CROT: variants seen among roughly 807,000 people sequenced by gnomAD.
CROT encodes peroxisomal carnitine O-octanoyltransferase.
In CROT, 84 loss-of-function variants were observed where a neutral mutation model predicts 89.2. That is an observed-to-expected ratio of 0.94 (90% CI 0.79 to 1.13). The LOEUF (loss-of-function observed/expected upper bound fraction) is 1.13, where lower values mean the gene tolerates loss of function less well. Ranked by LOEUF, CROT falls within the 50% of genes most tolerant of loss-of-function variation. CROT has a pLI of 0.00. For synonymous variants in CROT, 212 were observed against 239.5 expected, an observed-to-expected ratio of 0.89 and a Z score of 1.06; for missense variants, 711 against 727.8, an observed-to-expected ratio of 0.98 and a Z score of 0.27.
Position 87,382,172 on chromosome 7 carries a change from TC to T in CROT, c.1162del (p.Leu388SerfsTer21). 6.2e-7 allele frequency: 1 copy of T among 1,605,302 alleles called. No individual in the cohort carries two copies. The highest frequency in any genetic ancestry group is 2.2e-5 in the East Asian group (1 of 44,740). On this transcript the variant is annotated frameshift_variant, in exon 12 of 18. Transcript: ENST00000331536. LOFTEE classifies it high-confidence loss of function. The part of the protein sequence containing the change: ...NDINQAKAQY[L>X]REASDLQIAA... Reference sequence around the variant, plus strand: ...ACATCAACCAAGCTAAAGCCCAGTATCTCAGGGAGGTATATTTTTCACTTTT... The same window carrying T: ...ACATCAACCAAGCTAAAGCCCAGTATTCAGGGAGGTATATTTTTCACTTTT...
At position 87,391,581 on chromosome 7, in the gene CROT, T is replaced by C; in HGVS notation, c.1302-8T>C. 6.3e-7 allele frequency: 1 copy of C among 1,585,190 alleles called. No individual in the cohort carries two copies. Among genetic ancestry groups the C allele is most frequent in the East Asian group, 2.3e-5 (1 of 44,148 alleles). On this transcript the variant is annotated splice_region_variant and splice_polypyrimidine_tract_variant and intron_variant, in intron 13 of 17. Transcript: ENST00000331536. ...CTTATGATACACTCTTTTAATTTTTTCTTGTAGCCCTGGTTGTTGCTATGA... is the reference window on the plus strand; with the variant it reads ...CTTATGATACACTCTTTTAATTTTTCCTTGTAGCCCTGGTTGTTGCTATGA...
intron 13 of CROT, among the ~76,000 whole-genome samples, chr7:87,383,354 C>A (rs774143392): frequency 2.0e-5 from 3 of 152,164 alleles, no homozygotes; most frequent in East Asian, 3.9e-4. Flanking sequence ...TAGGTGAGAA[C>A]CTGCAGTATT....
intron 2 of CROT, among the ~76,000 whole-genome samples, 194 bp from the exon 3 acceptor site, chr7:87,348,854 C>T (rs1043994735): frequency 2.0e-5 from 3 of 152,204 alleles, no homozygotes; most frequent in Non-Finnish European, 4.4e-5. Flanking sequence ...TTACTTCTAG[C>T]ACTTTGTGTC....
intron 6 of CROT, among the ~76,000 whole-genome samples, chr7:87,366,916 C>T (rs1806465875): frequency 6.6e-6 from 1 of 152,172 alleles, no homozygotes; most frequent in Non-Finnish European, 1.5e-5. Flanking sequence ...CCTTGGTTAG[C>T]TTATTCTTTC....
chr7:87,353,221 C>T (rs147247988), intron 3 of CROT, among the ~76,000 whole-genome samples: 313 of 151,994 alleles, frequency 2.1e-3, no homozygotes, highest in Non-Finnish European at 3.9e-3. Context: ...AATCTCAGCT[C>T]ACTGCAACCT....
At chr7:87,361,926 A>G in intron 6 of CROT, 74 bp downstream of exon 6, 2 of 1,331,636 alleles carry the variant, frequency 1.5e-6, no homozygotes, top group African/African-American at 1.5e-5. Flanking sequence ...GTGATGGAAC[A>G]TACACTTTTG....
chr7:87,359,266 A>C lies in CROT; in HGVS notation c.176A>C (p.Gln59Pro). The C allele has an allele frequency of 2.5e-6, 4 of 1,597,302 alleles. No individual in the cohort carries two copies. Among genetic ancestry groups the C allele is most frequent in the Non-Finnish European group, 3.4e-6 (4 of 1,166,700 alleles). The change falls in exon 4 of 18, where the codon CAA (glutamine) becomes CCA (proline). Residue 59 changes from glutamine (Q) to proline (P), a missense_variant. Coordinates refer to ENST00000331536, the MANE Select transcript of CROT (RefSeq NM_021151.4). ...ACTGAAGAAATAGTTCAAAAATTTC[A>C]AAGTGGGATTGGAGAAAAATTGCAC... ...KKTEEIVQKF[Q>P]SGIGEKLHQK... is the part of the protein sequence containing the mutation.
intron 3 of CROT, among the ~76,000 whole-genome samples, chr7:87,353,978 C>T (rs1182384841): frequency 6.6e-6 from 1 of 152,188 alleles, no homozygotes; most frequent in Non-Finnish European, 1.5e-5. Context: ...ATTCTACAGT[C>T]TTGTAGTGAT....
chr7:87,387,158 G>A (rs1417415212), intron 13 of CROT, among the ~76,000 whole-genome samples: 4 of 151,864 alleles, frequency 2.6e-5, no homozygotes, highest in African/African-American at 4.8e-5. Context: ...ATACTCCTGA[G>A]GATAATTGGT....
intron 14 of CROT, among the ~76,000 whole-genome samples, chr7:87,392,157 C>T (rs754805574): frequency 1.3e-5 from 2 of 152,058 alleles, no homozygotes; most frequent in Admixed American, 6.6e-5. Flanking sequence ...CAGCAAATTT[C>T]CTTCTCACTG....
chr7:87,350,680 G>A (rs938738800), intron 3 of CROT, among the ~76,000 whole-genome samples: 4 of 152,170 alleles, frequency 2.6e-5, no homozygotes, highest in African/African-American at 9.7e-5. Context: ...TCCCCAAGGA[G>A]AAGGATGAGC....
chr7:87,351,861 G>C (rs1363231001), intron 3 of CROT, among the ~76,000 whole-genome samples: 1 of 152,162 alleles, frequency 6.6e-6, no homozygotes, highest in Non-Finnish European at 1.5e-5. Flanking sequence ...GAACAGCAGA[G>C]TTATGAATAT....
rs934498463 is a variant in CROT, at chr7:87,381,781, A to G, written c.979-129A>G. The G allele has an allele frequency of 9.1e-5, 54 of 593,032 alleles. 1 individual carries two copies. Among genetic ancestry groups the G allele is most frequent in the African/African-American group, 8.7e-4 (46 of 53,176 alleles). The allele number at this position is 593,032 out of a possible 1,614,324, so 36.7% of individuals were successfully genotyped here. A position where few individuals can be genotyped will look rare whatever the true frequency, so the allele number is the denominator to read the frequency against. ...AATCTTCTATCTTATCATATCCTCA[A>G]GAGGTGAGGCATTTGAAGACTCTAT... On this transcript the variant is annotated intron_variant, in intron 10 of 17. Coordinates refer to ENST00000331536, the MANE Select transcript of CROT (RefSeq NM_021151.4).
intron 14 of CROT, among the ~76,000 whole-genome samples, chr7:87,392,099 C>A (rs1484162803): frequency 6.6e-6 from 1 of 152,158 alleles, no homozygotes; most frequent in Non-Finnish European, 1.5e-5. Context: ...GGAACCAGGA[C>A]AGTTGTATGC....
intron 13 of CROT, among the ~76,000 whole-genome samples, chr7:87,386,419 T>A (rs1807184886): frequency 6.6e-6 from 1 of 152,184 alleles, no homozygotes. Context: ...ATTTATCCAT[T>A]CCTTCTAGGT....
intron 13 of CROT, among the ~76,000 whole-genome samples, chr7:87,390,180 T>A (rs950929660): frequency 1.3e-5 from 2 of 152,202 alleles, no homozygotes; most frequent in Non-Finnish European, 2.9e-5. Flanking sequence ...TATGCATCAG[T>A]TCCTATTTTG....
At chr7:87,393,174 C>A in intron 17 of CROT, 107 bp downstream of exon 17, 2 of 1,213,618 alleles carry the variant, frequency 1.6e-6, no homozygotes, top group South Asian at 1.5e-5. Context: ...CCATCTGTCA[C>A]TTGCTACATA....
At chr7:87,353,628 G>T (rs984035420) in intron 3 of CROT, among the ~76,000 whole-genome samples, 1 of 152,198 alleles carries the variant, frequency 6.6e-6, no homozygotes, top group Non-Finnish European at 1.5e-5. Context: ...ATCGGCTTCT[G>T]GAAAGTCCTC....
chr7:87,359,478 C>T, intron 4 of CROT, 148 bp downstream of exon 4: 1 of 1,390,840 alleles, frequency 7.2e-7, no homozygotes, highest in Non-Finnish European at 9.3e-7. Context: ...AATCACTTAA[C>T]TTTGGGAGTT....
Sources: allele counts gnomAD v4.1 joint callset (sites outside exome capture counted in the v4.1 genomes callset), GRCh38; gene constraint gnomAD v4.1.1; transcripts MANE v1.5; gene names NCBI Gene and HGNC (gene_info 2026-07-23, HGNC 2026-07-21).